Variants in GRID2 observed in about 807,000 individuals in gnomAD.
GRID2 encodes glutamate ionotropic receptor delta type subunit 2.
Under a neutral mutation model 114.8 loss-of-function variants are expected in GRID2, and 33 were observed. The observed-to-expected ratio is 0.29, with a 90% confidence interval of 0.22 to 0.38. The LOEUF (loss-of-function observed/expected upper bound fraction) is 0.38, where lower values mean the gene tolerates loss of function less well. GRID2 is among the 10% of genes least tolerant of loss of function. The pLI, the probability that GRID2 is intolerant of heterozygous loss-of-function variation, is 1.00. For missense variants in GRID2, 1,184 were observed against 1,257.7 expected (o/e 0.94, Z 0.89); for synonymous variants, 505 against 449.9 (o/e 1.12, Z -1.55).
intron 1 of GRID2, among the ~76,000 whole-genome samples, chr4:92,506,365 T>C (rs754629841): frequency 6.6e-6 from 1 of 151,988 alleles, no homozygotes. Context: ...AATATCTGTA[T>C]GGTCATTCAA....
chr4:92,451,704 T>G (rs999875916), intron 1 of GRID2, among the ~76,000 whole-genome samples: 7 of 152,190 alleles, frequency 4.6e-5, no homozygotes, highest in African/African-American at 1.7e-4. Flanking sequence ...GTTTCAGGCT[T>G]AAATTATGAC....
At chr4:93,544,948 A>T (rs1027002228) in intron 13 of GRID2, among the ~76,000 whole-genome samples, 1 of 152,156 alleles carries the variant, frequency 6.6e-6, no homozygotes, top group African/African-American at 2.4e-5. Flanking sequence ...CATTCTTAAA[A>T]TGTGCTATTT....
intron 4 of GRID2, among the ~76,000 whole-genome samples, chr4:93,201,456 A>G (rs930233520): frequency 1.3e-5 from 2 of 152,170 alleles, no homozygotes; most frequent in Non-Finnish European, 2.9e-5. Context: ...TCCTCTGCCT[A>G]TGCATGCCCC....
chr4:92,818,286 A>C (rs1489607323), intron 2 of GRID2, among the ~76,000 whole-genome samples: 1 of 152,164 alleles, frequency 6.6e-6, no homozygotes, highest in African/African-American at 2.4e-5. Context: ...GAATGAATGA[A>C]TAATACAGAT....
At chr4:93,133,788 G>A (rs1343940939) in intron 4 of GRID2, among the ~76,000 whole-genome samples, 3 of 151,942 alleles carry the variant, frequency 2.0e-5, no homozygotes, top group Non-Finnish European at 2.9e-5. Flanking sequence ...CCTATAAATG[G>A]AGAAAAAAGA....
intron 2 of GRID2, among the ~76,000 whole-genome samples, chr4:93,016,343 G>T (rs904825953): frequency 1.3e-5 from 2 of 152,134 alleles, no homozygotes; most frequent in African/African-American, 4.8e-5. Flanking sequence ...ACATAGATCA[G>T]TAACTCTTCC....
intron 14 of GRID2, among the ~76,000 whole-genome samples, chr4:93,757,882 G>A (rs1256133584): frequency 6.6e-5 from 10 of 152,150 alleles, no homozygotes; most frequent in East Asian, 1.9e-4. Context: ...GCTTGAATCC[G>A]GGAGACAGAG....
At chr4:93,206,683 A>T (rs909398375) in intron 4 of GRID2, among the ~76,000 whole-genome samples, 1 of 151,886 alleles carries the variant, frequency 6.6e-6, no homozygotes, top group African/African-American at 2.4e-5. Flanking sequence ...ATCATTTAGA[A>T]TAAATGTATC....
chr4:92,528,033 G>GA, intron 1 of GRID2, among the ~76,000 whole-genome samples: 1 of 151,976 alleles, frequency 6.6e-6, no homozygotes, highest in East Asian at 1.9e-4. Context: ...TTGAATCACT[G>GA]AATTTTACAG....
At chr4:93,257,157 T>C (rs1291926476) in intron 8 of GRID2, among the ~76,000 whole-genome samples, 1 of 151,846 alleles carries the variant, frequency 6.6e-6, no homozygotes, top group Non-Finnish European at 1.5e-5. Flanking sequence ...GACATATATG[T>C]AGTGCCTAGC....
chr4:93,549,509 GCATACTT>G (rs1212734698), intron 13 of GRID2, among the ~76,000 whole-genome samples: 4 of 152,076 alleles, frequency 2.6e-5, no homozygotes, highest in Admixed American at 6.6e-5. Flanking sequence ...GTTTCATATG[GCATACTT>G]CATATACAAA....
chr4:92,377,485 C>G (rs925796766), intron 1 of GRID2, among the ~76,000 whole-genome samples: 11 of 152,132 alleles, frequency 7.2e-5, no homozygotes, highest in Non-Finnish European at 1.6e-4. Context: ...CTTCTGAGCC[C>G]TCCAAACTGT....
chr4:92,760,012 C>T (rs1578154059), intron 2 of GRID2, among the ~76,000 whole-genome samples: 2 of 150,462 alleles, frequency 1.3e-5, no homozygotes, highest in South Asian at 2.1e-4. Context: ...ATAGCTGAGG[C>T]GGGTGGATCA....
intron 4 of GRID2, among the ~76,000 whole-genome samples, chr4:93,176,325 G>A (rs1739341403): frequency 1.3e-5 from 2 of 152,048 alleles, no homozygotes; most frequent in East Asian, 1.9e-4. Flanking sequence ...AATGTGATGA[G>A]CCTAAAGTGA....
chr4:93,559,329 T>C (rs924281200), intron 13 of GRID2, among the ~76,000 whole-genome samples: 1 of 152,108 alleles, frequency 6.6e-6, no homozygotes, highest in East Asian at 1.9e-4. Flanking sequence ...ATTTTTGCAA[T>C]CTATCCATCT....
At chr4:92,556,929 T>A (rs1726878154) in intron 1 of GRID2, among the ~76,000 whole-genome samples, 3 of 152,184 alleles carry the variant, frequency 2.0e-5, no homozygotes, top group African/African-American at 7.2e-5. Context: ...TTTTACATGC[T>A]GCCTACCACT....
At chr4:93,239,981 T>C (rs1348251270) in intron 8 of GRID2, among the ~76,000 whole-genome samples, 1 of 151,596 alleles carries the variant, frequency 6.6e-6, no homozygotes, top group Non-Finnish European at 1.5e-5. Context: ...TTACATGGAG[T>C]GGCAGTTTAT....
intron 1 of GRID2, among the ~76,000 whole-genome samples, chr4:92,480,201 T>C (rs1722514930): frequency 6.6e-6 from 1 of 152,108 alleles, no homozygotes; most frequent in Non-Finnish European, 1.5e-5. Context: ...ACCATCAGGA[T>C]CTAGAAAGGA....
rs188903173 is a variant in GRID2, at chr4:93,398,172, G to T, written c.1347+2464G>T. 1.2e-3 allele frequency among the ~76,000 whole-genome samples: 155 copies of T among 127,988 alleles called. 1 individual carries two copies. Among genetic ancestry groups the T allele is most frequent in the African/African-American group, 5.8e-3 (151 of 25,846 alleles). 84.0% of individuals were successfully genotyped at this position (127,988 alleles called of 152,430 possible). On this transcript the variant is annotated intron_variant, in intron 9 of 15. Coordinates refer to ENST00000282020, the MANE Select transcript of GRID2 (RefSeq NM_001510.4). Reference sequence around the variant, plus strand: ...ATATATCTTATCATTAAGGGAAGGGGTTAAGGTCTAGAATCAGACTTCCTG... The same window carrying T: ...ATATATCTTATCATTAAGGGAAGGGTTTAAGGTCTAGAATCAGACTTCCTG...
Sources: allele counts gnomAD v4.1 joint callset (sites outside exome capture counted in the v4.1 genomes callset), GRCh38; gene constraint gnomAD v4.1.1; transcripts MANE v1.5; gene names NCBI Gene and HGNC (gene_info 2026-07-23, HGNC 2026-07-21).